The following SDK1 variants were observed in gnomAD, a reference collection of about 807,000 sequenced individuals.
SDK1 encodes the protein protein sidekick-1.
A neutral mutation model predicts 245.5 loss-of-function variants in SDK1; 157 were observed. That is an observed-to-expected ratio of 0.64 (90% CI 0.56 to 0.73). SDK1 has a LOEUF of 0.73. Among genes scored for constraint, SDK1 ranks in the 30% least tolerant of loss-of-function variants. SDK1 has a pLI of 0.00. For synonymous variants in SDK1, 1,647 were observed against 1,278.5 expected, an observed-to-expected ratio of 1.29 and a Z score of -6.15; for missense variants, 3,583 against 3,002.3, an observed-to-expected ratio of 1.19 and a Z score of -4.52.
intron 28 of SDK1, among the ~76,000 whole-genome samples, chr7:4,139,527 G>GTATGTGTGTATATA (rs1779358220): frequency 1.8e-4 from 1 of 5,592 alleles, no homozygotes; most frequent in African/African-American, 5.2e-4. Context: ...GTGTGTGTAT[G>GTATGTGTGTATATA]TGTGTGTGTA....
chr7:3,697,201 TA>T (rs1784600628), intron 4 of SDK1, among the ~76,000 whole-genome samples: 1 of 152,198 alleles, frequency 6.6e-6, no homozygotes, highest in African/African-American at 2.4e-5. Context: ...AAAACAATGA[TA>T]ATGATTCTGT....
intron 5 of SDK1, among the ~76,000 whole-genome samples, chr7:3,888,400 G>A (rs962415402): frequency 5.9e-5 from 9 of 152,162 alleles, no homozygotes; most frequent in East Asian, 1.9e-4. Context: ...GACATGAACC[G>A]TACCCCGCCT....
chr7:3,522,497 G>A (rs1363475563), intron 1 of SDK1, among the ~76,000 whole-genome samples: 1 of 152,116 alleles, frequency 6.6e-6, no homozygotes, highest in Non-Finnish European at 1.5e-5. Flanking sequence ...ATACTTGGGA[G>A]TTCCTTGGAT....
chr7:4,129,660 C>T (rs1372434992), intron 26 of SDK1: 7 of 1,371,014 alleles, frequency 5.1e-6, no homozygotes, highest in Non-Finnish European at 9.4e-7. Context: ...CAGATTATGA[C>T]CAGGCAGCAG....
chr7:3,883,693 GCTCCCTCC>G lies in SDK1; in HGVS notation c.847+62128_847+62135del, dbSNP rs36146912. Among the ~76,000 whole-genome samples the G allele has an allele frequency of 3.5e-3, 506 of 144,350 alleles. 3 individuals are homozygous for G. The highest frequency in any genetic ancestry group is 5.4e-3 in the Non-Finnish European group (363 of 67,184). The allele number at this position is 144,350 out of a possible 152,430, so 94.7% of individuals were successfully genotyped here. A position where few individuals can be genotyped will look rare whatever the true frequency, so the allele number is the denominator to read the frequency against. ...GTCGTCCTCTGGACCTCGCTCCCTC[GCTCCCTCC>G]CTCCCTCCCTCCCTCCCATTGTCTA... On this transcript the variant is annotated intron_variant, in intron 5 of 44. Coordinates refer to ENST00000404826, the MANE Select transcript of SDK1 (RefSeq NM_152744.4).
intron 41 of SDK1, among the ~76,000 whole-genome samples, chr7:4,234,879 G>A (rs1786050997): frequency 1.3e-5 from 2 of 152,218 alleles, no homozygotes; most frequent in South Asian, 2.1e-4. Context: ...TGGGGCAGCA[G>A]AGCCTCAGCC....
intron 1 of SDK1, among the ~76,000 whole-genome samples, chr7:3,403,843 A>ATATATATAT (rs1778963963): frequency 1.3e-5 from 1 of 79,876 alleles, no homozygotes; most frequent in Non-Finnish European, 2.1e-5. Flanking sequence ...ATATATATAT[A>ATATATATAT]TATATATATA....
chr7:4,223,112 A>C (rs1282721634), intron 40 of SDK1, among the ~76,000 whole-genome samples: 3 of 151,694 alleles, frequency 2.0e-5, no homozygotes, highest in Non-Finnish European at 2.9e-5. Context: ...TCTAGAAGGC[A>C]CTTGTAACTA....
At chr7:3,795,793 G>C (rs904062166) in intron 4 of SDK1, among the ~76,000 whole-genome samples, 1 of 152,048 alleles carries the variant, frequency 6.6e-6, no homozygotes, top group Non-Finnish European at 1.5e-5. Flanking sequence ...CACAAGAATG[G>C]GTTTATACCC....
intron 1 of SDK1, among the ~76,000 whole-genome samples, chr7:3,476,701 A>G (rs1453552487): frequency 6.6e-6 from 1 of 152,014 alleles, no homozygotes; most frequent in Non-Finnish European, 1.5e-5. Context: ...AACTTTTCCA[A>G]CCTCGAATTT....
chr7:3,766,539 T>TA lies in SDK1; in HGVS notation c.714-54911_714-54910insA, dbSNP rs1468818269. Among the ~76,000 whole-genome samples the TA allele has an allele frequency of 2.0e-5, 3 of 152,204 alleles. No individual in the cohort carries two copies. The East Asian group carries it at 5.8e-4, about 29-fold the overall frequency. Reference sequence around the variant, plus strand: ...CTAAGTGTACCTGGTTAATATGGTTTTTGTAGTTATTAGAGGGAATAATAT... The same window carrying TA: ...CTAAGTGTACCTGGTTAATATGGTTTATTGTAGTTATTAGAGGGAATAATAT... On this transcript the variant is annotated intron_variant, in intron 4 of 44. Transcript: ENST00000404826.
At chr7:3,884,205 G>A (rs370985561) in intron 5 of SDK1, among the ~76,000 whole-genome samples, 12 of 151,742 alleles carry the variant, frequency 7.9e-5, no homozygotes, top group Admixed American at 2.0e-4. Flanking sequence ...CTCAGCCTCC[G>A]AAAGCATGGG....
chr7:3,825,817 A>G (rs1779760982), intron 5 of SDK1, among the ~76,000 whole-genome samples: 1 of 152,160 alleles, frequency 6.6e-6, no homozygotes, highest in Non-Finnish European at 1.5e-5. Flanking sequence ...GTTAACATTA[A>G]AGGGAGAGAG....
At chr7:3,739,419 A>G (rs751270978) in intron 4 of SDK1, among the ~76,000 whole-genome samples, 6 of 151,916 alleles carry the variant, frequency 3.9e-5, no homozygotes, top group East Asian at 1.9e-4. Flanking sequence ...TTCTATTTCT[A>G]TTAGTTGTGT....
chr7:3,595,645 G>T (rs1177044835), intron 1 of SDK1, among the ~76,000 whole-genome samples: 3 of 151,428 alleles, frequency 2.0e-5, no homozygotes, highest in East Asian at 3.9e-4. Context: ...GTACCACAGG[G>T]GTTTGACCTT....
intron 5 of SDK1, among the ~76,000 whole-genome samples, chr7:3,933,053 A>G (rs1469367828): frequency 6.7e-5 from 10 of 148,834 alleles, no homozygotes; most frequent in Non-Finnish European, 1.3e-4. Context: ...AGCCAAAGCC[A>G]CCTGGAGATG....
At position 4,231,092 on chromosome 7, in the gene SDK1, A is replaced by C. The variant is rs778414061; in HGVS notation, c.5828-2163A>C. ...AGCCTTCCCTGACCATTCTTAAGCC[A>C]AACTCACATACGACAATATAAACCA... On this transcript the variant is annotated intron_variant, in intron 40 of 44. Coordinates refer to ENST00000404826, the MANE Select transcript of SDK1 (RefSeq NM_152744.4). Among the ~76,000 whole-genome samples the C allele has an allele frequency of 2.2e-3, 333 of 152,282 alleles. 4 individuals are homozygous for C. The highest frequency in any genetic ancestry group is 7.2e-4 in the Non-Finnish European group (49 of 68,030).
chr7:3,354,853 G>A (rs1487953395), intron 1 of SDK1, among the ~76,000 whole-genome samples: 1 of 152,178 alleles, frequency 6.6e-6, no homozygotes, highest in East Asian at 1.9e-4. Flanking sequence ...GAAACGATTG[G>A]ACTTAAAGTG....
At chr7:3,722,946 A>C (rs571383379) in intron 4 of SDK1, among the ~76,000 whole-genome samples, 1 of 152,306 alleles carries the variant, frequency 6.6e-6, no homozygotes, top group African/African-American at 2.4e-5. Context: ...AACTCCTTTC[A>C]CCTGGAAATT....
Sources: gnomAD v4.1 joint callset for allele counts (sites outside exome capture counted in the v4.1 genomes callset) on GRCh38, gnomAD v4.1.1 for gene constraint, MANE v1.5 for transcripts, NCBI Gene and HGNC (gene_info 2026-07-23, HGNC 2026-07-21) for gene names.